ALCAM: variants seen among roughly 807,000 people sequenced by gnomAD.
ALCAM encodes CD166 antigen.
Under a neutral mutation model 70.9 loss-of-function variants are expected in ALCAM, and 30 were observed. The observed-to-expected ratio is 0.42, with a 90% confidence interval of 0.32 to 0.57. The LOEUF (loss-of-function observed/expected upper bound fraction) is 0.57, where lower values mean the gene tolerates loss of function less well. Ranked by LOEUF, ALCAM falls within the 20% of genes least tolerant of loss-of-function variation. ALCAM has a pLI of 0.11. For synonymous variants in ALCAM, 249 were observed against 242.5 expected (o/e 1.03, Z -0.25); for missense variants, 591 against 695.1 (o/e 0.85, Z 1.68).
At chr3:105,488,247 G>A (rs1179639147) in intron 1 of ALCAM, among the ~76,000 whole-genome samples, 2 of 152,040 alleles carry the variant, frequency 1.3e-5, no homozygotes, top group African/African-American at 4.8e-5. Flanking sequence ...TTCTTATACA[G>A]CCTGCAGAAC....
chr3:105,405,655 A>T (rs1936209672), intron 1 of ALCAM, among the ~76,000 whole-genome samples: 1 of 152,244 alleles, frequency 6.6e-6, no homozygotes, highest in Admixed American at 6.5e-5. Context: ...ATAATAGGCC[A>T]CAAAACAAGT....
chr3:105,488,771 G>T (rs186942057), intron 1 of ALCAM, among the ~76,000 whole-genome samples: 20 of 151,936 alleles, frequency 1.3e-4, no homozygotes, highest in African/African-American at 3.6e-4. Flanking sequence ...GGGAATGAAT[G>T]AATATGTAGA....
chr3:105,476,516 T>G (rs1559804457), intron 1 of ALCAM, among the ~76,000 whole-genome samples: 1 of 152,104 alleles, frequency 6.6e-6, no homozygotes, highest in Non-Finnish European at 1.5e-5. Context: ...TCGCCATCTC[T>G]TTACTGGTTC....
At chr3:105,504,682 C>T (rs1269455735) in intron 1 of ALCAM, among the ~76,000 whole-genome samples, 2 of 152,218 alleles carry the variant, frequency 1.3e-5, no homozygotes, top group Non-Finnish European at 2.9e-5. Flanking sequence ...CAGACGACCA[C>T]CTGTGTGTCT....
At chr3:105,565,758 C>G (rs774747253) in intron 14 of ALCAM, among the ~76,000 whole-genome samples, 10 of 152,220 alleles carry the variant, frequency 6.6e-5, no homozygotes, top group Admixed American at 4.6e-4. Context: ...TTTTTTGGAG[C>G]TTGGTTTTAA....
chr3:105,387,149 C>T (rs1437055946), intron 1 of ALCAM, among the ~76,000 whole-genome samples: 2 of 151,440 alleles, frequency 1.3e-5, no homozygotes, highest in Non-Finnish European at 3.0e-5. Context: ...CTGTAGTAGT[C>T]TCACAGGCTG....
chr3:105,402,503 T>C (rs1936113472), intron 1 of ALCAM, among the ~76,000 whole-genome samples: 1 of 152,158 alleles, frequency 6.6e-6, no homozygotes, highest in Admixed American at 6.5e-5. Flanking sequence ...TCAGCCCTGG[T>C]CACCTGCTGC....
chr3:105,402,651 C>G (rs929382587), intron 1 of ALCAM, among the ~76,000 whole-genome samples: 1 of 152,074 alleles, frequency 6.6e-6, no homozygotes, highest in Admixed American at 6.5e-5. Context: ...TATGACTCAG[C>G]AGAGGCAGCC....
rs528424672 is a variant in ALCAM, at chr3:105,388,093, G to C, written c.73+20612G>C. 7.3e-5 allele frequency among the ~76,000 whole-genome samples: 11 copies of C among 151,672 alleles called. No individual in the cohort carries two copies. The East Asian group carries it at 2.1e-3, about 29-fold the overall frequency. On this transcript the variant is annotated intron_variant, in intron 1 of 15. Transcript: ENST00000306107. ...TACAGTATAAACAAGCAGTAACAGA[G>C]TGTGGAAAATAAAAAGACAAGGAAG...
chr3:105,437,058 T>A (rs751156843), intron 1 of ALCAM, among the ~76,000 whole-genome samples: 7 of 152,212 alleles, frequency 4.6e-5, no homozygotes, highest in Non-Finnish European at 8.8e-5. Context: ...AATTCTTGTG[T>A]CCTTATGTAA....
At chr3:105,523,018 T>C (rs529728768) in intron 2 of ALCAM, among the ~76,000 whole-genome samples, 1 of 152,000 alleles carries the variant, frequency 6.6e-6, no homozygotes, top group African/African-American at 2.4e-5. Flanking sequence ...CGCGTGCCTG[T>C]AGTCCCAGCT....
intron 15 of ALCAM, among the ~76,000 whole-genome samples, chr3:105,573,322 G>A (rs946045375): frequency 6.6e-6 from 1 of 152,100 alleles, no homozygotes; most frequent in African/African-American, 2.4e-5. Context: ...ATGAGATTCT[G>A]TCTCAAAATA....
chr3:105,488,026 A>T (rs184835008), intron 1 of ALCAM, among the ~76,000 whole-genome samples: 1 of 152,288 alleles, frequency 6.6e-6, no homozygotes, highest in East Asian at 1.9e-4. Flanking sequence ...TCAATAGATT[A>T]ATACCCTCTC....
chr3:105,513,018 G>T (rs763804679), intron 1 of ALCAM, among the ~76,000 whole-genome samples: 4 of 151,686 alleles, frequency 2.6e-5, no homozygotes, highest in Non-Finnish European at 5.9e-5. Flanking sequence ...AAATAGAGGC[G>T]ATTGTTCTTT....
At chr3:105,380,793 T>TA (rs937157190) in intron 1 of ALCAM, among the ~76,000 whole-genome samples, 1 of 151,906 alleles carries the variant, frequency 6.6e-6, no homozygotes, top group Admixed American at 6.6e-5. Context: ...GAAACAGATT[T>TA]AAAAATCTCA....
Position 105,534,907 on chromosome 3 carries a change from TAA to T in ALCAM, c.730+63_730+64del, listed in dbSNP as rs878919173. On this transcript the variant is annotated intron_variant, in intron 6 of 15. Transcript: ENST00000306107. Reference sequence around the variant, plus strand: ...ATTAGAAATAATATTCAAATGCTATTAATCTTTGAGGTCCCAATCCAATTACT... The same window carrying T: ...ATTAGAAATAATATTCAAATGCTATTTCTTTGAGGTCCCAATCCAATTACT... The T allele has an allele frequency of 3.0e-5, 44 of 1,450,484 alleles. 1 individual carries two copies. In the South Asian group the frequency reaches 5.7e-4, roughly 19 times the overall value. 89.9% of individuals were successfully genotyped at this position (1,450,484 alleles called of 1,614,324 possible).
At chr3:105,509,677 T>C (rs781431282) in intron 1 of ALCAM, among the ~76,000 whole-genome samples, 9 of 152,114 alleles carry the variant, frequency 5.9e-5, no homozygotes, top group Non-Finnish European at 1.2e-4. Context: ...ATAGGCTGAC[T>C]TTTTATTTTG....
chr3:105,427,828 A>C (rs1296166553), intron 1 of ALCAM, among the ~76,000 whole-genome samples: 1 of 151,914 alleles, frequency 6.6e-6, no homozygotes, highest in East Asian at 1.9e-4. Flanking sequence ...CTGAAAACCT[A>C]ACCACTATAT....
chr3:105,432,252 C>A (rs1220403963), intron 1 of ALCAM, among the ~76,000 whole-genome samples: 1 of 152,084 alleles, frequency 6.6e-6, no homozygotes, highest in Non-Finnish European at 1.5e-5. Context: ...TCATGCATAT[C>A]AAATCCTATT....
Sources: allele counts gnomAD v4.1 joint callset (sites outside exome capture counted in the v4.1 genomes callset), GRCh38; gene constraint gnomAD v4.1.1; transcripts MANE v1.5; gene names NCBI Gene and HGNC (gene_info 2026-07-23, HGNC 2026-07-21).